The following PCLO variants were observed in gnomAD, a reference collection of about 807,000 sequenced individuals.
PCLO encodes the protein piccolo presynaptic cytomatrix protein.
A neutral mutation model predicts 427.5 loss-of-function variants in PCLO; 82 were observed. That is an observed-to-expected ratio of 0.19 (90% CI 0.16 to 0.23). The LOEUF (loss-of-function observed/expected upper bound fraction) is 0.23. Ranked by LOEUF, PCLO falls within the 10% of genes least tolerant of loss-of-function variation. PCLO has a pLI of 1.00. For synonymous variants in PCLO, 2,357 were observed against 2,155.4 expected (o/e 1.09, Z -2.59); for missense variants, 6,239 against 6,115.9 (o/e 1.02, Z -0.67).
intron 22 of PCLO, among the ~76,000 whole-genome samples, chr7:82,800,449 C>T (rs1281178013): frequency 6.6e-6 from 1 of 151,920 alleles, no homozygotes; most frequent in Non-Finnish European, 1.5e-5. Flanking sequence ...TATATAAAGC[C>T]AATATATGTT....
At chr7:82,851,683 A>G (rs79866645) in intron 10 of PCLO, among the ~76,000 whole-genome samples, 2,567 of 152,254 alleles carry the variant, frequency 0.017, 88 homozygotes, top group African/African-American at 0.059. Context: ...TATCTTTTCC[A>G]TACTAAGATT....
At chr7:83,157,227 A>G (rs1239618133) in intron 1 of PCLO, among the ~76,000 whole-genome samples, 1 of 152,208 alleles carries the variant, frequency 6.6e-6, no homozygotes, top group African/African-American at 2.4e-5. Context: ...TTCTACATTC[A>G]TTATTTAGAC....
chr7:83,090,040 C>CAA (rs1790338499), intron 3 of PCLO, among the ~76,000 whole-genome samples: 2 of 152,136 alleles, frequency 1.3e-5, no homozygotes, highest in African/African-American at 4.8e-5. Context: ...CACAGTGGCT[C>CAA]AAACCTGTAA....
intron 3 of PCLO, among the ~76,000 whole-genome samples, chr7:82,977,399 T>A (rs1376573799): frequency 6.7e-6 from 1 of 148,708 alleles, no homozygotes; most frequent in African/African-American, 2.5e-5. Flanking sequence ...TTTATTTATT[T>A]ATTTATTTAT....
chr7:82,940,755 CTTT>C (rs71531190), intron 6 of PCLO, among the ~76,000 whole-genome samples: 39,743 of 109,234 alleles, frequency 0.36, 4,215 homozygotes, highest in East Asian at 0.58. Context: ...TTTTTTCTTT[CTTT>C]TTTTTTTTTT....
intron 4 of PCLO, among the ~76,000 whole-genome samples, chr7:82,964,331 T>G (rs1795717865): frequency 6.6e-6 from 1 of 152,012 alleles, no homozygotes. Context: ...CAGAAACTGT[T>G]TCTACAGAGA....
Position 82,932,493 on chromosome 7 carries a change from A to G in PCLO, c.11113-15620T>C, listed in dbSNP as rs147284293. On this transcript the variant is annotated intron_variant, in intron 6 of 24. Coordinates refer to ENST00000333891, the MANE Select transcript of PCLO (RefSeq NM_033026.6). ...TACATTAGTGAGCAAGTTCTGAGATAGAATGTTTACATGTTATTGCCATGT... is the reference window on the plus strand; with the variant it reads ...TACATTAGTGAGCAAGTTCTGAGATGGAATGTTTACATGTTATTGCCATGT... Among the ~76,000 whole-genome samples the G allele has an allele frequency of 4.6e-5, 7 of 152,296 alleles. No individual in the cohort carries two copies. In the East Asian group the frequency reaches 9.6e-4, roughly 21 times the overall value.
chr7:83,131,470 C>T (rs772531761), intron 3 of PCLO, among the ~76,000 whole-genome samples: 2 of 152,108 alleles, frequency 1.3e-5, no homozygotes, highest in Non-Finnish European at 1.5e-5. Context: ...GCTCTTCTCA[C>T]AACCGGAGAA....
At chr7:82,831,201 A>C (rs1792084702) in intron 16 of PCLO, among the ~76,000 whole-genome samples, 1 of 152,096 alleles carries the variant, frequency 6.6e-6, no homozygotes, top group Non-Finnish European at 1.5e-5. Context: ...GAAAACTTGA[A>C]GCTCAGAAAA....
intron 6 of PCLO, among the ~76,000 whole-genome samples, chr7:82,924,312 T>G (rs1794663062): frequency 6.6e-6 from 1 of 152,092 alleles, no homozygotes; most frequent in Admixed American, 6.6e-5. Context: ...TATAAATTCT[T>G]AGGACCCTAA....
intron 4 of PCLO, among the ~76,000 whole-genome samples, chr7:82,960,197 A>G (rs1314049503): frequency 6.6e-6 from 1 of 152,254 alleles, no homozygotes; most frequent in Non-Finnish European, 1.5e-5. Context: ...AAAATTAAAC[A>G]ATGAATGCAA....
chr7:83,055,243 G>A (rs1789350793), intron 3 of PCLO, among the ~76,000 whole-genome samples: 1 of 152,128 alleles, frequency 6.6e-6, no homozygotes, highest in Admixed American at 6.5e-5. Flanking sequence ...CACCCATTGG[G>A]CAGTAAGAGA....
At chr7:83,156,874 A>T (rs2116696171) in intron 1 of PCLO, among the ~76,000 whole-genome samples, 1 of 152,264 alleles carries the variant, frequency 6.6e-6, no homozygotes, top group South Asian at 2.1e-4. Context: ...ATTGAGAATT[A>T]AAAATATTCA....
intron 3 of PCLO, among the ~76,000 whole-genome samples, chr7:83,121,482 A>C (rs560966010): frequency 6.6e-6 from 1 of 152,260 alleles, no homozygotes; most frequent in South Asian, 2.1e-4. Flanking sequence ...CCAAAAAACA[A>C]TTAGAAAACA....
At chr7:83,146,356 CA>C (rs1423424860) in intron 2 of PCLO, among the ~76,000 whole-genome samples, 2 of 152,098 alleles carry the variant, frequency 1.3e-5, no homozygotes, top group African/African-American at 4.8e-5. Context: ...TAAGGATAAC[CA>C]GTATAAACTT....
At chr7:82,771,408 A>C (rs1790644883) in intron 22 of PCLO, among the ~76,000 whole-genome samples, 1 of 152,036 alleles carries the variant, frequency 6.6e-6, no homozygotes, top group Non-Finnish European at 1.5e-5. Flanking sequence ...AAGTAAAAAA[A>C]AATTTTCACC....
chr7:82,781,193 A>C (rs889706587), intron 22 of PCLO, among the ~76,000 whole-genome samples: 1 of 139,572 alleles, frequency 7.2e-6, no homozygotes, highest in Non-Finnish European at 1.7e-5. Context: ...ATTTCAGGTA[A>C]GGTAAAAAGA....
At chr7:82,967,084 C>G (rs536667792) in intron 3 of PCLO, among the ~76,000 whole-genome samples, 9 of 152,016 alleles carry the variant, frequency 5.9e-5, no homozygotes, top group Admixed American at 2.0e-4. Context: ...ATTCTTAATA[C>G]TAATCACATT....
chr7:82,965,784 C>A lies in PCLO; in HGVS notation c.4004G>T (p.Gly1335Val). The A allele has an allele frequency of 6.3e-7, 1 of 1,575,694 alleles. No homozygotes were observed. Among genetic ancestry groups the A allele is most frequent in the South Asian group, 1.2e-5 (1 of 84,950 alleles). Reference sequence around the variant, plus strand: ...AATTTAACTTACTGTTTTTTCTTTCCCAGGTTCCACCTGATCAGGTTTTGC... The same window carrying A: ...AATTTAACTTACTGTTTTTTCTTTCACAGGTTCCACCTGATCAGGTTTTGC... ...CTAKPDQVEP[G>V]KEKTEKEDDK... The change falls in exon 4 of 25, where the codon GGG becomes GTG. Residue 1335 changes from glycine to valine, a missense_variant. Around this residue, in one of 5 missense-constraint regions of PCLO, gnomAD observed 4,677 missense variants for 4,468.4 expected, o/e 1.05. Coordinates refer to ENST00000333891, the MANE Select transcript of PCLO (RefSeq NM_033026.6).
Sources: allele counts gnomAD v4.1 joint callset (sites outside exome capture counted in the v4.1 genomes callset), GRCh38; gene constraint gnomAD v4.1.1; regional missense constraint gnomAD v4.1.1; transcripts MANE v1.5; gene names NCBI Gene and HGNC (gene_info 2026-07-23, HGNC 2026-07-21).